The following LSP1 variants were observed in gnomAD, a reference collection of about 807,000 sequenced individuals.
LSP1 encodes the protein lymphocyte specific protein 1.
A neutral mutation model predicts 49.3 loss-of-function variants in LSP1; 32 were observed. The ratio of observed to expected loss-of-function variants is 0.65; its 90% CI spans 0.49 to 0.87. LSP1 has a LOEUF of 0.87. LSP1 is among the 40% of genes least tolerant of loss of function. The pLI is 0.00. For synonymous variants in LSP1, 179 were observed against 178.8 expected, an observed-to-expected ratio of 1.00 and a Z score of -0.01; for missense variants, 428 against 442.6, an observed-to-expected ratio of 0.97 and a Z score of 0.30.
At chr11:1,865,868 C>T (rs568641540) in intron 1 of LSP1, among the ~76,000 whole-genome samples, 23 of 152,112 alleles carry the variant, frequency 1.5e-4, no homozygotes, top group African/African-American at 5.1e-4. Context: ...CTGAGCTTAC[C>T]GGCCCTGGCT....
intron 1 of LSP1, among the ~76,000 whole-genome samples, chr11:1,873,712 G>C (rs1848143770): frequency 1.3e-5 from 2 of 152,170 alleles, no homozygotes; most frequent in South Asian, 4.1e-4. Flanking sequence ...GGCCATCCCA[G>C]GCAGGCTGAG....
chr11:1,888,886 C>G (rs1307372977), intron 10 of LSP1: 1 of 412,746 alleles, frequency 2.4e-6, no homozygotes, highest in Non-Finnish European at 4.3e-6. Context: ...CATCCCGACG[C>G]AGACCCCTTC....
At chr11:1,882,151 G>A (rs1271101448) in intron 3 of LSP1, among the ~76,000 whole-genome samples, 2 of 152,170 alleles carry the variant, frequency 1.3e-5, no homozygotes, top group African/African-American at 2.4e-5. Context: ...ACCCCAACAG[G>A]CCCAACAGGG....
intron 1 of LSP1, chr11:1,869,067 C>A: frequency 3.2e-6 from 3 of 945,946 alleles, no homozygotes; most frequent in Non-Finnish European, 3.8e-6. Context: ...GGGAGAGAAG[C>A]CCTTGGGTGA....
intron 1 of LSP1, chr11:1,866,512 G>A: frequency 6.6e-7 from 1 of 1,513,510 alleles, no homozygotes; most frequent in Non-Finnish European, 8.9e-7. Flanking sequence ...AGGGTCTCCG[G>A]CTGTCACCTG....
At chr11:1,867,635 C>T (rs1195397244) in intron 1 of LSP1, among the ~76,000 whole-genome samples, 1 of 152,146 alleles carries the variant, frequency 6.6e-6, no homozygotes, top group African/African-American at 2.4e-5. Flanking sequence ...CCCGGGGACC[C>T]CTTGGGTGTC....
At chr11:1,866,210 C>T (rs1234385127) in intron 1 of LSP1, among the ~76,000 whole-genome samples, 1 of 152,206 alleles carries the variant, frequency 6.6e-6, no homozygotes, top group Non-Finnish European at 1.5e-5. Context: ...CTTGCTTCTT[C>T]CTAACCTGGA....
In LSP1 at chr11:1,886,752, G is replaced by C; in HGVS notation, c.738G>C (p.Lys246Asn). The C allele has an allele frequency of 6.2e-7, 1 of 1,610,928 alleles. No individual in the cohort carries two copies. Among genetic ancestry groups the C allele is most frequent in the Non-Finnish European group, 8.5e-7 (1 of 1,179,090 alleles). Residue 246 changes from lysine (K) to asparagine (N), a missense_variant, in exon 8 of 11, where the codon AAG becomes AAC. Coordinates refer to ENST00000311604, the MANE Select transcript of LSP1 (RefSeq NM_002339.3). The stretch of plus-strand genomic sequence containing the variant: ...TGCAGACCGCTGGCCGGACCCCCAA[G>C]CTAGCCCGCCAGGCCTCCATAGAGC... Reference protein sequence around the residue: ...QAIETAGRTPKLARQASIELP... With the variant: ...QAIETAGRTPNLARQASIELP...
chr11:1,885,137 T>TCCATCCAATCAATGTCCCTC (rs1316749730), intron 7 of LSP1, among the ~76,000 whole-genome samples: 1 of 151,500 alleles, frequency 6.6e-6, no homozygotes, highest in African/African-American at 2.4e-5. Flanking sequence ...CCAATGTCCC[T>TCCATCCAATCAATGTCCCTC]CCATCCAATC....
At chr11:1,870,708 G>A in intron 1 of LSP1, 2 of 1,018,016 alleles carry the variant, frequency 2.0e-6, no homozygotes, top group Non-Finnish European at 2.4e-6. Context: ...GTTGCGTGGA[G>A]GATGGGAGCG....
At chr11:1,889,166 C>A (rs560079678) in intron 10 of LSP1, 3 of 671,310 alleles carry the variant, frequency 4.5e-6, no homozygotes, top group Non-Finnish European at 8.3e-6. Flanking sequence ...TCCAGCCAGT[C>A]GCTGTGCGGT....
At chr11:1,881,317 C>A in intron 2 of LSP1, 115 bp from the exon 3 acceptor site, 1 of 1,048,796 alleles carries the variant, frequency 9.5e-7, no homozygotes, top group Non-Finnish European at 1.3e-6. Flanking sequence ...CTGTGGCAGA[C>A]AGGGTCTCCC....
chr11:1,886,221 A>C (rs1848742675), intron 7 of LSP1, among the ~76,000 whole-genome samples: 1 of 151,928 alleles, frequency 6.6e-6, no homozygotes, highest in South Asian at 2.1e-4. Flanking sequence ...CCTTCATTGA[A>C]CCAATACGGC....
intron 1 of LSP1, chr11:1,869,553 C>A (rs1225033490): frequency 2.2e-6 from 1 of 445,288 alleles, no homozygotes; most frequent in Non-Finnish European, 4.7e-6. Flanking sequence ...CTGCCCCTTG[C>A]CGCCGACCCC....
chr11:1,869,158 G>A (rs1490125291), intron 1 of LSP1: 11 of 338,736 alleles, frequency 3.2e-5, no homozygotes, highest in Admixed American at 5.5e-5. Context: ...GCTGAGACCC[G>A]GGAGGCTTGA....
At chr11:1,867,582 G>A (rs1045661293) in intron 1 of LSP1, among the ~76,000 whole-genome samples, 2 of 152,008 alleles carry the variant, frequency 1.3e-5, no homozygotes, top group Non-Finnish European at 2.9e-5. Context: ...TGATGAGCCC[G>A]GGTCCCTGGG....
chr11:1,884,430 G>A lies in LSP1; in HGVS notation c.636-70G>A. 1 of 1,603,408 alleles carries A rather than the reference G, an allele frequency of 6.2e-7. No individual in the cohort carries two copies. The highest frequency in any genetic ancestry group is 8.5e-7 in the Non-Finnish European group (1 of 1,170,420). ...GATCTGGAGACCGAGGGGGGCTCTG[G>A]GAGAGGCTTGGGCAGGTTGGGAGAA... On this transcript the variant is annotated intron_variant, in intron 6 of 10. Coordinates refer to ENST00000311604, the MANE Select transcript of LSP1 (RefSeq NM_002339.3). This position sits in a 1 kb window ranked among gnomAD's most constrained non-coding sequence, Gnocchi z 4.1.
chr11:1,888,360 G>T (rs935089596), intron 10 of LSP1, among the ~76,000 whole-genome samples: 3 of 152,172 alleles, frequency 2.0e-5, no homozygotes, highest in Non-Finnish European at 4.4e-5. Flanking sequence ...TTCCCATAGG[G>T]TTGGGACTGA....
intron 1 of LSP1, among the ~76,000 whole-genome samples, chr11:1,854,203 G>A (rs1418472224): frequency 6.6e-6 from 1 of 152,164 alleles, no homozygotes; most frequent in Non-Finnish European, 1.5e-5. Flanking sequence ...GTCAGCGGGG[G>A]CTGTGGCCTG....
Sources: allele counts gnomAD v4.1 joint callset (sites outside exome capture counted in the v4.1 genomes callset), GRCh38; gene constraint gnomAD v4.1.1; non-coding constraint Gnocchi (gnomAD v3.1); transcripts MANE v1.5; gene names NCBI Gene and HGNC (gene_info 2026-07-23, HGNC 2026-07-21).